The following BBX variants were observed in gnomAD, a reference collection of about 807,000 sequenced individuals.
BBX encodes the protein HMG box transcription factor BBX.
Under a neutral mutation model 100.2 loss-of-function variants are expected in BBX, and 30 were observed. That is an observed-to-expected ratio of 0.30 (90% CI 0.22 to 0.41). The LOEUF (loss-of-function observed/expected upper bound fraction) is 0.41. Ranked by LOEUF, BBX falls within the 10% of genes least tolerant of loss-of-function variation. BBX has a pLI of 1.00. For synonymous variants in BBX, 376 were observed against 388.1 expected, an observed-to-expected ratio of 0.97 and a Z score of 0.37; for missense variants, 1,023 against 1,129.8, an observed-to-expected ratio of 0.91 and a Z score of 1.35.
chr3:107,549,875 T>C, intron 2 of BBX, among the ~76,000 whole-genome samples: 1 of 151,738 alleles, frequency 6.6e-6, no homozygotes, highest in African/African-American at 2.4e-5. Context: ...TTACCTTTTT[T>C]TTTTTTTTTT....
intron 3 of BBX, among the ~76,000 whole-genome samples, chr3:107,671,885 G>A (rs1200697926): frequency 6.6e-6 from 1 of 152,044 alleles, no homozygotes; most frequent in Non-Finnish European, 1.5e-5. Flanking sequence ...TGTTTTCTCA[G>A]ATCCTTTTTG....
In BBX at chr3:107,799,338, G is replaced by T. The variant is rs550100120; in HGVS notation, c.2551+618G>T. ...ATGACCACCATGTCAGCAAATGACT[G>T]TAAGCAACTGTGGTTCCTACTGAAA... On this transcript the variant is annotated intron_variant, in intron 16 of 17. Coordinates refer to ENST00000325805, the MANE Select transcript of BBX (RefSeq NM_001142568.3). Among the ~76,000 whole-genome samples the T allele has an allele frequency of 9.1e-4, 138 of 152,236 alleles. 1 individual carries two copies. The highest frequency in any genetic ancestry group is 3.3e-3 in the African/African-American group (136 of 41,522).
At chr3:107,538,984 C>T (rs749619152) in intron 2 of BBX, among the ~76,000 whole-genome samples, 28 of 151,940 alleles carry the variant, frequency 1.8e-4, no homozygotes, top group Non-Finnish European at 3.5e-4. Flanking sequence ...GAGATGGGGT[C>T]TCACCATGTT....
chr3:107,644,226 G>A (rs2057390508), intron 2 of BBX, among the ~76,000 whole-genome samples: 1 of 152,058 alleles, frequency 6.6e-6, no homozygotes, highest in African/African-American at 2.4e-5. Flanking sequence ...ATATAGGGAT[G>A]TATAGGGTAT....
chr3:107,589,919 T>C (rs1437601326), intron 2 of BBX, among the ~76,000 whole-genome samples: 1 of 152,218 alleles, frequency 6.6e-6, no homozygotes, highest in Non-Finnish European at 1.5e-5. Context: ...TGATTAGTTC[T>C]TTATGCTTTT....
intron 2 of BBX, among the ~76,000 whole-genome samples, chr3:107,614,487 A>G (rs1404889217): frequency 6.6e-6 from 1 of 152,024 alleles, no homozygotes; most frequent in African/African-American, 2.4e-5. Flanking sequence ...CTAAATATAC[A>G]TGTGACTTAT....
chr3:107,691,625 T>C (rs2060175182), intron 3 of BBX, among the ~76,000 whole-genome samples: 1 of 152,208 alleles, frequency 6.6e-6, no homozygotes, highest in Non-Finnish European at 1.5e-5. Flanking sequence ...TAATCAATGA[T>C]AGCATCCTAT....
At chr3:107,723,212 A>G (rs933948050) in intron 5 of BBX, among the ~76,000 whole-genome samples, 3 of 152,080 alleles carry the variant, frequency 2.0e-5, no homozygotes, top group Admixed American at 1.3e-4. Flanking sequence ...ACCCTATTGA[A>G]AAGATCTAGA....
intron 9 of BBX, 69 bp from the exon 10 acceptor site, chr3:107,755,529 T>A: frequency 7.3e-7 from 1 of 1,367,850 alleles, no homozygotes; most frequent in Middle Eastern, 1.8e-4. Context: ...TTCCTGAATG[T>A]ATATGAATGA....
chr3:107,634,250 A>T (rs2056726298), intron 2 of BBX, among the ~76,000 whole-genome samples: 1 of 152,194 alleles, frequency 6.6e-6, no homozygotes, highest in South Asian at 2.1e-4. Context: ...ACTTAGACAG[A>T]TGTCTGTTAG....
chr3:107,588,545 T>C (rs986071928), intron 2 of BBX, among the ~76,000 whole-genome samples: 2 of 152,174 alleles, frequency 1.3e-5, no homozygotes, highest in African/African-American at 4.8e-5. Flanking sequence ...AATTCTGGAA[T>C]CACATATGTT....
intron 2 of BBX, among the ~76,000 whole-genome samples, chr3:107,598,232 T>A (rs866024874): frequency 6.6e-6 from 1 of 152,344 alleles, no homozygotes; most frequent in Non-Finnish European, 1.5e-5. Context: ...AGAACACTGC[T>A]GACCAAGGTA....
chr3:107,798,376 AT>A, intron 15 of BBX, 146 bp from the exon 16 acceptor site: 1 of 732,420 alleles, frequency 1.4e-6, no homozygotes, highest in East Asian at 2.7e-5. Context: ...GCAACGTTTT[AT>A]TTCATTTTTT....
chr3:107,681,637 C>T (rs994608248), intron 3 of BBX, among the ~76,000 whole-genome samples: 11 of 152,124 alleles, frequency 7.2e-5, no homozygotes, highest in Middle Eastern at 3.4e-3. Flanking sequence ...TTTAGAGTAC[C>T]GGATATTACT....
chr3:107,550,903 A>T (rs962409231), intron 2 of BBX, among the ~76,000 whole-genome samples: 3 of 152,216 alleles, frequency 2.0e-5, no homozygotes, highest in African/African-American at 7.2e-5. Flanking sequence ...AGCACACTAA[A>T]GTAAGTACTT....
At chr3:107,655,258 C>T (rs981799228) in intron 3 of BBX, among the ~76,000 whole-genome samples, 2 of 152,000 alleles carry the variant, frequency 1.3e-5, no homozygotes, top group South Asian at 2.1e-4. Flanking sequence ...AAAGCCCAAA[C>T]GTATGAAAAT....
intron 2 of BBX, among the ~76,000 whole-genome samples, chr3:107,641,167 C>G (rs550536553): frequency 7.9e-5 from 12 of 151,622 alleles, no homozygotes; most frequent in African/African-American, 2.9e-4. Flanking sequence ...TCACTGCAAC[C>G]TCCACCTCCC....
rs992712583 is a variant in BBX at position 107,734,009 on chromosome 3, A to G, written c.669+986A>G. The stretch of plus-strand genomic sequence containing the variant: ...ACCACACTCAGGTTTTTGAGATGGA[A>G]ATTTTTCAATCCCCAACCAGAATTG... On this transcript the variant is annotated intron_variant, in intron 7 of 17. Transcript: ENST00000325805. 2.6e-5 allele frequency among the ~76,000 whole-genome samples: 4 copies of G among 152,136 alleles called. No individual in the cohort carries two copies. In the East Asian group the frequency reaches 7.7e-4, roughly 29 times the overall value.
At chr3:107,685,146 G>T (rs944963880) in intron 3 of BBX, among the ~76,000 whole-genome samples, 5 of 152,150 alleles carry the variant, frequency 3.3e-5, no homozygotes, top group Admixed American at 2.6e-4. Flanking sequence ...AGGAGCCAGG[G>T]TGTTATATAG....
Sources: allele counts gnomAD v4.1 joint callset (sites outside exome capture counted in the v4.1 genomes callset), GRCh38; gene constraint gnomAD v4.1.1; transcripts MANE v1.5; gene names NCBI Gene and HGNC (gene_info 2026-07-23, HGNC 2026-07-21).